Variants in RNF150 observed in about 807,000 individuals in gnomAD.
The protein encoded by RNF150 is ring finger protein 150.
Under a neutral mutation model 39.3 loss-of-function variants are expected in RNF150, and 24 were observed. That is an observed-to-expected ratio of 0.61 (90% CI 0.44 to 0.86). The LOEUF (loss-of-function observed/expected upper bound fraction) is 0.86, where lower values mean the gene tolerates loss of function less well. Ranked by LOEUF, RNF150 falls within the 40% of genes least tolerant of loss-of-function variation. RNF150 has a pLI of 0.00. For missense variants in RNF150, 502 were observed against 587.8 expected, an observed-to-expected ratio of 0.85 and a Z score of 1.51; for synonymous variants, 255 against 227.3, an observed-to-expected ratio of 1.12 and a Z score of -1.10.
intron 5 of RNF150, among the ~76,000 whole-genome samples, chr4:140,914,043 A>G (rs896089627): frequency 1.3e-5 from 2 of 152,212 alleles, no homozygotes; most frequent in African/African-American, 2.4e-5. Context: ...AATCATATGC[A>G]ATAATAATGG....
chr4:141,034,036 G>A (rs1186718429), intron 1 of RNF150, among the ~76,000 whole-genome samples: 4 of 152,152 alleles, frequency 2.6e-5, no homozygotes, highest in Non-Finnish European at 4.4e-5. Flanking sequence ...AATCTTTGAA[G>A]CCAGGCACTG....
At chr4:140,907,044 A>ATG (rs1560958690) in intron 6 of RNF150, among the ~76,000 whole-genome samples, 10 of 151,616 alleles carry the variant, frequency 6.6e-5, no homozygotes, top group Non-Finnish European at 1.2e-4. Flanking sequence ...TCTTTCTCTC[A>ATG]CTTCTCTCTT....
intron 5 of RNF150, among the ~76,000 whole-genome samples, chr4:140,921,580 T>C (rs1415278040): frequency 6.6e-6 from 1 of 152,104 alleles, no homozygotes; most frequent in Non-Finnish European, 1.5e-5. Context: ...ACTATTCCAA[T>C]CAATACAAAA....
chr4:141,147,019 T>A (rs1353556241), intron 1 of RNF150, among the ~76,000 whole-genome samples: 1 of 152,158 alleles, frequency 6.6e-6, no homozygotes, highest in Non-Finnish European at 1.5e-5. Flanking sequence ...TGAAGTGCAG[T>A]GATGCGATTA....
intron 1 of RNF150, among the ~76,000 whole-genome samples, chr4:141,155,226 C>T (rs955644497): frequency 2.6e-5 from 4 of 151,220 alleles, no homozygotes; most frequent in African/African-American, 7.3e-5. Context: ...ACTGGAACTA[C>T]AGGCATGCAC....
Position 140,872,744 on chromosome 4 carries a change from G to T in RNF150, c.1199-4365C>A, listed in dbSNP as rs576232846. ...AATACAGATGCCATTTATTGAGCCA[G>T]AGAAACTGGAGAAGAAGCAGGTGTT... is the stretch of plus-strand genomic sequence containing the variant. On this transcript the variant is annotated intron_variant, in intron 6 of 6. Transcript: ENST00000515673. 9.8e-5 allele frequency among the ~76,000 whole-genome samples: 15 copies of T among 152,338 alleles called. No homozygotes were observed. The South Asian group carries it at 3.1e-3, about 32-fold the overall frequency.
chr4:140,940,386 A>G lies in RNF150; in HGVS notation c.890+7268T>C, dbSNP rs546997179. Among the ~76,000 whole-genome samples, 15 of 43,782 alleles carry G rather than the reference A, an allele frequency of 3.4e-4. No homozygotes were observed. The South Asian group carries it at 0.015, about 43-fold the overall frequency. The allele number at this position is 43,782 out of a possible 152,430, so 28.7% of individuals were successfully genotyped here. On this transcript the variant is annotated intron_variant, in intron 4 of 6. Transcript: ENST00000515673. ...ATCACAGCCTTATTTATAATAGCAG[A>G]AAAAGTGTGTGTGTGTGTGTGTGTA... is the stretch of plus-strand genomic sequence containing the variant.
rs948273227 is a variant in RNF150, at chr4:141,017,254, G to A, written c.485-49381C>T. On this transcript the variant is annotated intron_variant, in intron 1 of 6. Transcript: ENST00000515673. ...CTGCTTTTCCTAAACTCCTACTTCT[G>A]TGAAAGGTACCACTATTATTTTAGT... 2.6e-5 allele frequency among the ~76,000 whole-genome samples: 4 copies of A among 152,084 alleles called. No individual in the cohort carries two copies. In the South Asian group the frequency reaches 8.3e-4, roughly 32 times the overall value.
At chr4:141,145,120 T>C (rs1004632878) in intron 1 of RNF150, among the ~76,000 whole-genome samples, 6 of 152,292 alleles carry the variant, frequency 3.9e-5, no homozygotes, top group African/African-American at 1.4e-4. Flanking sequence ...AAAATATTAA[T>C]GGGTAATAAC....
intron 1 of RNF150, among the ~76,000 whole-genome samples, chr4:141,019,058 ATATATATATATATATATAT>A: frequency 9.9e-6 from 1 of 100,794 alleles, no homozygotes; most frequent in African/African-American, 4.4e-5. Flanking sequence ...ATATATATAT[ATATATATATATATATATAT>A]ATATGGAACT....
intron 1 of RNF150, among the ~76,000 whole-genome samples, chr4:141,085,385 G>C (rs190733287): frequency 9.9e-4 from 151 of 152,292 alleles, no homozygotes; most frequent in African/African-American, 3.3e-3. Context: ...AACCATATCA[G>C]GGGCGTAGCC....
chr4:140,899,944 T>TTCTCCCTCTCTCTCTC (rs1553989634), intron 6 of RNF150, among the ~76,000 whole-genome samples: 1 of 110,120 alleles, frequency 9.1e-6, no homozygotes, highest in East Asian at 3.6e-4. Flanking sequence ...CTCTCTCACT[T>TTCTCCCTCTCTCTCTC]TCTCTCTCTC....
At chr4:140,972,011 C>T (rs1579016614) in intron 1 of RNF150, among the ~76,000 whole-genome samples, 1 of 151,690 alleles carries the variant, frequency 6.6e-6, no homozygotes, top group African/African-American at 2.4e-5. Context: ...CACTGTTGGC[C>T]CTCTAGAACT....
chr4:140,888,940 C>G (rs993198385), intron 6 of RNF150, among the ~76,000 whole-genome samples: 1 of 152,062 alleles, frequency 6.6e-6, no homozygotes, highest in Non-Finnish European at 1.5e-5. Context: ...TCACTTCATA[C>G]GAAGGAGATA....
intron 1 of RNF150, among the ~76,000 whole-genome samples, chr4:141,115,017 C>A (rs1186361785): frequency 2.0e-5 from 3 of 152,140 alleles, no homozygotes; most frequent in Non-Finnish European, 4.4e-5. Context: ...CTATTTATGA[C>A]AAACCCACAG....
At chr4:141,009,167 G>T (rs1734972941) in intron 1 of RNF150, among the ~76,000 whole-genome samples, 1 of 152,108 alleles carries the variant, frequency 6.6e-6, no homozygotes, top group African/African-American at 2.4e-5. Flanking sequence ...GAAACAAATT[G>T]ATCTAATCAC....
intron 1 of RNF150, among the ~76,000 whole-genome samples, chr4:141,113,567 G>C (rs181007207): frequency 3.9e-5 from 6 of 152,136 alleles, no homozygotes; most frequent in Non-Finnish European, 8.8e-5. Flanking sequence ...CACAATAATA[G>C]TGGGAGACTT....
intron 1 of RNF150, among the ~76,000 whole-genome samples, chr4:141,027,923 T>G (rs1371770132): frequency 7.6e-5 from 3 of 39,230 alleles, no homozygotes; most frequent in East Asian, 2.0e-3. Flanking sequence ...TTTTTTTTTT[T>G]TTGTTTTTTT....
rs181928429 is a variant in RNF150 at position 140,997,321 on chromosome 4, G to A, written c.485-29448C>T. The stretch of plus-strand genomic sequence containing the variant: ...AAATATTTTACAGATTTTATAAAGC[G>A]TAAAATATATAAAGGTATTGGCTAG... On this transcript the variant is annotated intron_variant, in intron 1 of 6. Coordinates refer to ENST00000515673, the MANE Select transcript of RNF150 (RefSeq NM_020724.2). Among the ~76,000 whole-genome samples, 14 of 152,218 alleles carry A rather than the reference G, an allele frequency of 9.2e-5. No homozygotes were observed. In the East Asian group the frequency reaches 1.9e-3, roughly 21 times the overall value.
Sources: gnomAD v4.1 joint callset for allele counts (sites outside exome capture counted in the v4.1 genomes callset) on GRCh38, gnomAD v4.1.1 for gene constraint, MANE v1.5 for transcripts, NCBI Gene and HGNC (gene_info 2026-07-23, HGNC 2026-07-21) for gene names.